OPRD1: variants seen among roughly 807,000 people sequenced by gnomAD.
OPRD1 encodes the protein delta-type opioid receptor.
A neutral mutation model predicts 17.5 loss-of-function variants in OPRD1; 19 were observed. The observed-to-expected ratio is 1.09, with a 90% CI of 0.76 to 1.60. OPRD1 has a LOEUF of 1.60. Among genes scored for constraint, OPRD1 ranks in the 40% most tolerant of loss-of-function variants. The pLI is 0.00. For missense variants in OPRD1, 483 were observed against 547.2 expected, an observed-to-expected ratio of 0.88 and a Z score of 1.17; for synonymous variants, 256 against 240.9, an observed-to-expected ratio of 1.06 and a Z score of -0.58.
At chr1:28,820,447 A>G (rs539493067) in intron 1 of OPRD1, among the ~76,000 whole-genome samples, 1 of 152,026 alleles carries the variant, frequency 6.6e-6, no homozygotes, top group East Asian at 2.0e-4. Context: ...CACCTGCCTC[A>G]GCCTCCCAAA....
In OPRD1 at chr1:28,845,295, T is replaced by C. The variant is rs556756317; in HGVS notation, c.228-13659T>C. On this transcript the variant is annotated intron_variant, in intron 1 of 2. Transcript: ENST00000234961. Reference sequence around the variant, plus strand: ...GGTCAGGAGTTCAAGACTAGCCTGGTAAACATAGTGAAACCCTGTCTCTAC... The same window carrying C: ...GGTCAGGAGTTCAAGACTAGCCTGGCAAACATAGTGAAACCCTGTCTCTAC... Among the ~76,000 whole-genome samples the C allele has an allele frequency of 3.3e-4, 50 of 151,496 alleles. 1 individual carries two copies. The highest frequency in any genetic ancestry group is 1.1e-3 in the African/African-American group (45 of 41,242).
At chr1:28,828,622 G>A (rs565543386) in intron 1 of OPRD1, among the ~76,000 whole-genome samples, 1 of 148,796 alleles carries the variant, frequency 6.7e-6, no homozygotes, top group South Asian at 2.2e-4. Flanking sequence ...GAAGTTCGAA[G>A]CTGCACTGAG....
At chr1:28,836,432 T>C (rs955527666) in intron 1 of OPRD1, among the ~76,000 whole-genome samples, 4 of 149,842 alleles carry the variant, frequency 2.7e-5, no homozygotes, top group Non-Finnish European at 5.9e-5. Flanking sequence ...AAGAGTAGCT[T>C]GAACCTGGGA....
rs760721041 is a variant in OPRD1, at chr1:28,858,907, C to T, written c.228-47C>T. 13 of 1,545,780 alleles carry T rather than the reference C, an allele frequency of 8.4e-6. No homozygotes were observed. In the East Asian group the frequency reaches 2.3e-4, roughly 27 times the overall value. On this transcript the variant is annotated intron_variant, in intron 1 of 2. Transcript: ENST00000234961. ...TCCCTTCCTTGAGTTTCATGTGAAA[C>T]TGAAATCTGTGAAATGGGATTAATT...
At chr1:28,842,966 G>GAAA (rs143171946) in intron 1 of OPRD1, among the ~76,000 whole-genome samples, 2 of 147,370 alleles carry the variant, frequency 1.4e-5, no homozygotes, top group Non-Finnish European at 3.0e-5. Context: ...TAGCTACTTG[G>GAAA]GAAAAAAAAA....
intron 1 of OPRD1, among the ~76,000 whole-genome samples, chr1:28,824,986 C>T (rs978388586): frequency 1.7e-4 from 26 of 151,882 alleles, no homozygotes; most frequent in Non-Finnish European, 2.4e-4. Flanking sequence ...TGCCCACCAC[C>T]GCGCCCGGCT....
intron 1 of OPRD1, among the ~76,000 whole-genome samples, chr1:28,846,955 TC>T (rs2088958553): frequency 7.4e-6 from 1 of 135,536 alleles, no homozygotes; most frequent in South Asian, 2.6e-4. Context: ...CTTTTCTTTC[TC>T]TTTCTCTCTT....
chr1:28,825,380 C>T (rs757670625), intron 1 of OPRD1, among the ~76,000 whole-genome samples: 1 of 151,770 alleles, frequency 6.6e-6, no homozygotes, highest in African/African-American at 2.4e-5. Context: ...TACTTGGGAA[C>T]ACAAGAAGTA....
intron 2 of OPRD1, among the ~76,000 whole-genome samples, chr1:28,861,908 C>CTTTTTT (rs11307166): frequency 3.5e-5 from 5 of 144,150 alleles, no homozygotes; most frequent in African/African-American, 1.3e-4. Flanking sequence ...CTTTTCTTTT[C>CTTTTTT]TTTTCTTTTT....
At position 28,860,473 on chromosome 1, in the gene OPRD1, T is replaced by C. The variant is rs144621617; in HGVS notation, c.577+1170T>C. Among the ~76,000 whole-genome samples, 1,005 of 152,168 alleles carry C rather than the reference T, an allele frequency of 6.6e-3. 13 individuals are homozygous for C. Among genetic ancestry groups the C allele is most frequent in the African/African-American group, 0.023 (969 of 41,514 alleles). ...ATTGTTTAGAAGGGCTCCACAGACA[T>C]AGTAACTAATTAACCTCTCTGAGTC... On this transcript the variant is annotated intron_variant, in intron 2 of 2. Transcript: ENST00000234961.
rs927000840 is a variant in OPRD1, at chr1:28,865,608, G to A, written c.*2325G>A. ...GCCTCCTTTGGGAAATGGCTACCCC[G>A]GGTCCTGGAAAGATGTGGGGCCATG... On this transcript the variant is annotated 3_prime_UTR_variant, in exon 3 of 3. Transcript: ENST00000234961. 3.9e-5 allele frequency: 6 copies of A among 152,188 alleles called. No homozygotes were observed. Among genetic ancestry groups the A allele is most frequent in the Admixed American group, 1.3e-4 (2 of 15,282 alleles). The allele number at this position is 152,188 out of a possible 1,614,324, so 9.4% of individuals were successfully genotyped here.
rs979826006 is a variant in OPRD1, at chr1:28,866,039, C to T, written c.*2756C>T. On this transcript the variant is annotated 3_prime_UTR_variant, in exon 3 of 3. Coordinates refer to ENST00000234961, the MANE Select transcript of OPRD1 (RefSeq NM_000911.4). Reference sequence around the variant, plus strand: ...GAGGTCAGCAGGGCCCGGGTCCGGACCACGTGTGTTTAAGGTAGTGCAAAC... The same window carrying T: ...GAGGTCAGCAGGGCCCGGGTCCGGATCACGTGTGTTTAAGGTAGTGCAAAC... 9.2e-5 allele frequency: 14 copies of T among 152,222 alleles called. No homozygotes were observed. The highest frequency in any genetic ancestry group is 3.1e-4 in the African/African-American group (13 of 41,440). 9.4% of individuals were successfully genotyped at this position (152,222 alleles called of 1,614,324 possible). A position where few individuals can be genotyped will look rare whatever the true frequency, so the allele number is the denominator to read the frequency against.
chr1:28,862,043 C>A (rs1290428644), intron 2 of OPRD1, among the ~76,000 whole-genome samples: 2 of 151,950 alleles, frequency 1.3e-5, no homozygotes. Flanking sequence ...TCCCGAGGAG[C>A]TGGGACTATG....
intron 1 of OPRD1, among the ~76,000 whole-genome samples, chr1:28,830,679 T>C (rs572564328): frequency 8.5e-5 from 13 of 152,360 alleles, no homozygotes; most frequent in African/African-American, 2.6e-4. Context: ...GATAACTTGC[T>C]CATAGCAGGG....
chr1:28,855,014 C>G (rs531699843), intron 1 of OPRD1, among the ~76,000 whole-genome samples: 1 of 152,044 alleles, frequency 6.6e-6, no homozygotes, highest in Non-Finnish European at 1.5e-5. Context: ...ACAAAATGGA[C>G]GAAGTCTTCT....
intron 1 of OPRD1, among the ~76,000 whole-genome samples, chr1:28,848,079 C>T (rs1037915978): frequency 3.3e-5 from 5 of 151,922 alleles, no homozygotes; most frequent in Admixed American, 6.6e-5. Flanking sequence ...AAACCCTGTT[C>T]CCTACTAAAA....
chr1:28,842,955 C>T (rs2088906639), intron 1 of OPRD1, among the ~76,000 whole-genome samples: 2 of 143,428 alleles, frequency 1.4e-5, no homozygotes, highest in Admixed American at 1.4e-4. Flanking sequence ...ACCTGTAGTC[C>T]TAGCTACTTG....
chr1:28,828,579 T>C (rs2124266569), intron 1 of OPRD1, among the ~76,000 whole-genome samples: 1 of 151,344 alleles, frequency 6.6e-6, no homozygotes, highest in South Asian at 2.1e-4. Flanking sequence ...CCCAGCACTT[T>C]GGAAGCCGAA....
At chr1:28,848,111 G>A (rs1424790869) in intron 1 of OPRD1, among the ~76,000 whole-genome samples, 2 of 152,020 alleles carry the variant, frequency 1.3e-5, no homozygotes, top group African/African-American at 4.8e-5. Flanking sequence ...AGCCGGGCGG[G>A]ATGGCGGGTA....
Sources: allele counts gnomAD v4.1 joint callset (sites outside exome capture counted in the v4.1 genomes callset), GRCh38; gene constraint gnomAD v4.1.1; transcripts MANE v1.5; gene names NCBI Gene and HGNC (gene_info 2026-07-23, HGNC 2026-07-21).